Variants in CDHR3 observed in about 807,000 individuals in gnomAD.
The protein encoded by CDHR3 is cadherin related family member 3, also known as cadherin-related family member 3.
A neutral mutation model predicts 86.6 loss-of-function variants in CDHR3; 79 were observed. The ratio of observed to expected loss-of-function variants is 0.91; its 90% CI spans 0.76 to 1.10. The LOEUF (loss-of-function observed/expected upper bound fraction) is 1.10, where lower values mean the gene tolerates loss of function less well. Ranked by LOEUF, CDHR3 falls within the 50% of genes least tolerant of loss-of-function variation. The pLI is 0.00. For synonymous variants in CDHR3, 421 were observed against 402.4 expected (o/e 1.05, Z -0.55); for missense variants, 1,081 against 1,077.6 (o/e 1.00, Z -0.04).
At chr7:106,010,967 G>A (rs1834709518) in intron 8 of CDHR3, among the ~76,000 whole-genome samples, 1 of 152,244 alleles carries the variant, frequency 6.6e-6, no homozygotes, top group African/African-American at 2.4e-5. Flanking sequence ...ATGAGCCTTA[G>A]TATCTTTGCC....
At chr7:106,022,504 T>C in intron 14 of CDHR3, 56 bp downstream of exon 14, 2 of 1,580,692 alleles carry the variant, frequency 1.3e-6, no homozygotes, top group South Asian at 1.2e-5. Flanking sequence ...GTTATGTTGA[T>C]GGACTTCTTT....
intron 10 of CDHR3, among the ~76,000 whole-genome samples, chr7:106,015,543 GCCC>G (rs1386646698): frequency 6.6e-6 from 1 of 151,670 alleles, no homozygotes; most frequent in Non-Finnish European, 1.5e-5. Flanking sequence ...TTGCTTCCAA[GCCC>G]CCATTTTTTT....
chr7:105,996,116 G>A, intron 5 of CDHR3, 134 bp from the exon 6 acceptor site: 1 of 585,172 alleles, frequency 1.7e-6, no homozygotes. Flanking sequence ...GAGACTGTGG[G>A]GGCATTACGG....
In CDHR3 at chr7:105,988,011, C is replaced by T. The variant is rs375700942; in HGVS notation, c.513+3722C>T. Among the ~76,000 whole-genome samples, 110 of 152,282 alleles carry T rather than the reference C, an allele frequency of 7.2e-4. 1 individual carries two copies. The South Asian group carries it at 0.022, about 30-fold the overall frequency. ...GCTCAGGTGATCCTTCCACCTCAGCCTTCCAAGTAGCTGGGACTACAGGTG... is the reference window on the plus strand; with the variant it reads ...GCTCAGGTGATCCTTCCACCTCAGCTTTCCAAGTAGCTGGGACTACAGGTG... On this transcript the variant is annotated intron_variant, in intron 4 of 18. Transcript: ENST00000317716.
chr7:105,985,670 A>C (rs922112746), intron 4 of CDHR3, among the ~76,000 whole-genome samples: 3 of 152,196 alleles, frequency 2.0e-5, no homozygotes, highest in Non-Finnish European at 4.4e-5. Context: ...TAAAAAAAAA[A>C]AATCACCCAT....
rs1218352158 is a variant in CDHR3, at chr7:106,017,939, A to G, written c.1520A>G (p.Gln507Arg). ...YSISTGGASL[Q>R]YPNVFWINPK... ...ATCTCCACTGGAGGGGCCAGCCTCC[A>G]GTATCCAAATGTATTTTGGATTAAT... The change falls in exon 12 of 19, where the codon CAG (glutamine) becomes CGG (arginine). Residue 507 changes from glutamine to arginine, a missense_variant. Transcript: ENST00000317716. 1.2e-6 allele frequency: 2 copies of G among 1,613,136 alleles called. No individual in the cohort carries two copies. Among genetic ancestry groups the G allele is most frequent in the East Asian group, 4.5e-5 (2 of 44,874 alleles).
chr7:106,022,400 T>C lies in CDHR3; in HGVS notation c.2028T>C (p.Ser676=), dbSNP rs1836706740. ...ALVETGTVTL[S]IKVIPHPTTI... The stretch of plus-strand genomic sequence containing the variant: ...TTGAGACAGGAACAGTGACACTGAG[T>C]ATTAAAGTCATTCCCCACCCAACCA... The change falls in exon 14 of 19, where the codon AGT becomes AGC. Residue 676 remains serine (S), a synonymous_variant. Transcript: ENST00000317716. The C allele has an allele frequency of 6.2e-7, 1 of 1,613,812 alleles. No homozygotes were observed. Among genetic ancestry groups the C allele is most frequent in the East Asian group, 2.2e-5 (1 of 44,872 alleles).
chr7:105,981,133 G>C lies in CDHR3; in HGVS notation c.415G>C (p.Gly139Arg). The change falls in exon 3 of 19, where the codon GGT (glycine) becomes CGT (arginine). Residue 139 changes from glycine to arginine, a missense_variant and splice_region_variant. Coordinates refer to ENST00000317716, the MANE Select transcript of CDHR3 (RefSeq NM_152750.5). Reference sequence around the variant, plus strand: ...TCAGTTTCAAGGCAACTTGGCAGAAGGTAGGATACACCAGGATGTGCACTG... The same window carrying C: ...TCAGTTTCAAGGCAACTTGGCAGAACGTAGGATACACCAGGATGTGCACTG... ...PPQFQGNLAE[G>R]LHLYIVERAN... 6.2e-7 allele frequency: 1 copy of C among 1,613,360 alleles called. No homozygotes were observed. The highest frequency in any genetic ancestry group is 2.2e-5 in the East Asian group (1 of 44,876).
In CDHR3 at chr7:106,020,526, C is replaced by T. The variant is rs144905888; in HGVS notation, c.1807C>T (p.Arg603Cys). 5,642 of 1,613,598 alleles carry T rather than the reference C, an allele frequency of 3.5e-3. 17 individuals carry two copies. Among genetic ancestry groups the T allele is most frequent in the Non-Finnish European group, 4.2e-3 (4,977 of 1,179,660 alleles). The change falls in exon 13 of 19, where the codon CGT becomes TGT. Residue 603 changes from arginine to cysteine, a missense_variant. Physicochemically the swap from Arg to Cys is radical, Grantham distance 180. Transcript: ENST00000317716. ...CCTTGATTCCAGCCCCAGATCTTTCCGTTATTCCATTGGCCCAGGTATAGT... is the reference window on the plus strand; with the variant it reads ...CCTTGATTCCAGCCCCAGATCTTTCTGTTATTCCATTGGCCCAGGTATAGT... ...TDLDSSPRSF[R>C]YSIGPGNVNN...
At position 106,020,423 on chromosome 7, in the gene CDHR3, A is replaced by C. The variant is rs754824094; in HGVS notation, c.1704A>C (p.Pro568=). 1 of 1,614,066 alleles carries C rather than the reference A, an allele frequency of 6.2e-7. No homozygotes were observed. The highest frequency in any genetic ancestry group is 1.7e-5 in the Admixed American group (1 of 60,032). The part of the protein sequence containing the change: ...EENDEKPICT[P]NSYFLALPVD... Reference sequence around the variant, plus strand: ...ATGATGAAAAGCCAATTTGTACTCCAAACTCTTATTTCCTGGCCCTCCCAG... The same window carrying C: ...ATGATGAAAAGCCAATTTGTACTCCCAACTCTTATTTCCTGGCCCTCCCAG... Residue 568 remains proline (P), a synonymous_variant, in exon 13 of 19, where the codon CCA becomes CCC. Transcript: ENST00000317716.
chr7:106,028,642 C>T (rs1837748642), intron 17 of CDHR3, 60 bp downstream of exon 17: 3 of 1,588,626 alleles, frequency 1.9e-6, no homozygotes, highest in East Asian at 4.5e-5. Context: ...GCTCCCGTCT[C>T]CCCCGAAGGC....
chr7:105,987,821 T>C (rs1167411565), intron 4 of CDHR3, among the ~76,000 whole-genome samples: 1 of 152,254 alleles, frequency 6.6e-6, no homozygotes, highest in Non-Finnish European at 1.5e-5. Flanking sequence ...ATTTCTGCAT[T>C]GTCTGAGAAC....
rs376131511 is a variant in CDHR3 at position 106,022,441 on chromosome 7, C to T, written c.2069C>T (p.Thr690Ile). 3.7e-6 allele frequency: 6 copies of T among 1,613,410 alleles called. No homozygotes were observed. The African/African-American group carries it at 8.0e-5, about 22-fold the overall frequency. Residue 690 changes from threonine to isoleucine, a missense_variant, in exon 14 of 19, where the codon ACC becomes ATC. Transcript: ENST00000317716. ...CACCCAACCACTATCATCACCACGA[C>T]CCCCAGGGTAAGGGCTTTAGGACCT... Reference protein sequence around the residue: ...IPHPTTIITTTPRPRVTYQVL... With the variant: ...IPHPTTIITTIPRPRVTYQVL...
chr7:105,984,283 C>A lies in CDHR3; in HGVS notation c.507C>A (p.Pro169=). The stretch of plus-strand genomic sequence containing the variant: ...CAGAAGACACAAGCCGAAACATTCC[C>A]CTCAGTGTAAGTGTCCTTATATGGA... ...FDPEDTSRNI[P]LSYFLISPPK... is the part of the protein sequence containing the mutation. The change falls in exon 4 of 19, where the codon CCC becomes CCA. Residue 169 remains proline, a synonymous_variant. Coordinates refer to ENST00000317716, the MANE Select transcript of CDHR3 (RefSeq NM_152750.5). 1 of 1,609,296 alleles carries A rather than the reference C, an allele frequency of 6.2e-7. No individual in the cohort carries two copies. The highest frequency in any genetic ancestry group is 8.5e-7 in the Non-Finnish European group (1 of 1,176,816).
intron 6 of CDHR3, among the ~76,000 whole-genome samples, chr7:105,998,742 C>T (rs1384286856): frequency 6.6e-6 from 1 of 151,910 alleles, no homozygotes; most frequent in Non-Finnish European, 1.5e-5. Context: ...TGAGATCATG[C>T]CATTGCACTC....
intron 14 of CDHR3, 75 bp downstream of exon 14, chr7:106,022,523 T>G: frequency 6.5e-7 from 1 of 1,546,356 alleles, no homozygotes; most frequent in Non-Finnish European, 8.8e-7. Flanking sequence ...TTCCCCGGCC[T>G]GGAGGTATGT....
At chr7:105,974,641 T>G (rs553972928) in intron 1 of CDHR3, among the ~76,000 whole-genome samples, 1 of 152,134 alleles carries the variant, frequency 6.6e-6, no homozygotes, top group Non-Finnish European at 1.5e-5. Flanking sequence ...TTCTTGGTTG[T>G]TTGGTGGTGG....
chr7:106,010,615 A>G (rs1305917088), intron 8 of CDHR3, among the ~76,000 whole-genome samples: 1 of 152,208 alleles, frequency 6.6e-6, no homozygotes, highest in Non-Finnish European at 1.5e-5. Flanking sequence ...TTTGCTCCGT[A>G]TGCACTGAGC....
At chr7:105,996,665 A>G (rs1161373771) in intron 6 of CDHR3, among the ~76,000 whole-genome samples, 1 of 152,086 alleles carries the variant, frequency 6.6e-6, no homozygotes, top group African/African-American at 2.4e-5. Context: ...GTGCTTTTAA[A>G]ATAAAGTGCC....
Sources: gnomAD v4.1 joint callset for allele counts (sites outside exome capture counted in the v4.1 genomes callset) on GRCh38, gnomAD v4.1.1 for gene constraint, MANE v1.5 for transcripts, NCBI Gene and HGNC (gene_info 2026-07-23, HGNC 2026-07-21) for gene names.